Variants in TMEM63C observed in about 807,000 individuals in gnomAD.
The protein encoded by TMEM63C is transmembrane protein 63C, also known as osmosensitive cation channel TMEM63C.
TMEM63C carries 32 observed loss-of-function variants against 99.2 expected under a neutral mutation model. The ratio of observed to expected loss-of-function variants is 0.32; its 90% CI spans 0.24 to 0.43. The LOEUF (loss-of-function observed/expected upper bound fraction) is 0.43, where lower values mean the gene tolerates loss of function less well. Ranked by LOEUF, TMEM63C falls within the 20% of genes least tolerant of loss-of-function variation. The pLI, the probability that TMEM63C is intolerant of heterozygous loss-of-function variation, is 1.00. For synonymous variants in TMEM63C, 376 were observed against 397.9 expected, an observed-to-expected ratio of 0.94 and a Z score of 0.66; for missense variants, 826 against 1,053.0, an observed-to-expected ratio of 0.78 and a Z score of 2.98.
At chr14:77,224,550 G>A (rs553603568) in intron 5 of TMEM63C, among the ~76,000 whole-genome samples, 1 of 152,258 alleles carries the variant, frequency 6.6e-6, no homozygotes, top group South Asian at 2.1e-4. Flanking sequence ...GCAGCTTTTA[G>A]AGCTGCAGGC....
intron 1 of TMEM63C, among the ~76,000 whole-genome samples, chr14:77,196,490 G>T (rs1407980390): frequency 6.6e-6 from 1 of 152,214 alleles, no homozygotes; most frequent in African/African-American, 2.4e-5. Flanking sequence ...AAGATGCTCT[G>T]GTTTTGGTTA....
intron 9 of TMEM63C, 104 bp from the exon 10 acceptor site, chr14:77,238,590 C>A: frequency 1.1e-6 from 1 of 888,688 alleles, no homozygotes; most frequent in Non-Finnish European, 1.8e-6. Context: ...CATCAGCAGC[C>A]TGCTGTGAGC....
At chr14:77,231,435 G>A (rs534324443) in intron 6 of TMEM63C, among the ~76,000 whole-genome samples, 153 bp from the exon 7 acceptor site, 2 of 151,170 alleles carry the variant, frequency 1.3e-5, no homozygotes, top group South Asian at 2.1e-4. Flanking sequence ...GGGCAATTTC[G>A]AAGTTGCCTT....
intron 18 of TMEM63C, among the ~76,000 whole-genome samples, chr14:77,247,660 AT>A (rs1364548547): frequency 6.6e-6 from 1 of 152,110 alleles, no homozygotes; most frequent in East Asian, 1.9e-4. Flanking sequence ...GCCAATTTCG[AT>A]TTTTTTGTTT....
Position 77,258,907 on chromosome 14 carries a change from C to T in TMEM63C, c.*2181C>T, listed in dbSNP as rs1006811130. ...CCTCTGAACCTGGGTCCAGTGTAGC[C>T]TGGCTCTGAGAGAAGGTGGTGAGCA... On this transcript the variant is annotated 3_prime_UTR_variant, in exon 24 of 24. Transcript: ENST00000298351. 5.9e-5 allele frequency: 9 copies of T among 152,336 alleles called. No individual in the cohort carries two copies. Among genetic ancestry groups the T allele is most frequent in the African/African-American group, 1.9e-4 (8 of 41,460 alleles). 9.4% of individuals were successfully genotyped at this position (152,336 alleles called of 1,614,324 possible). A position where few individuals can be genotyped will look rare whatever the true frequency, so the allele number is the denominator to read the frequency against.
intron 1 of TMEM63C, among the ~76,000 whole-genome samples, chr14:77,189,254 T>G (rs934661686): frequency 2.0e-5 from 3 of 149,578 alleles, no homozygotes; most frequent in African/African-American, 7.4e-5. Flanking sequence ...GGACTACAGA[T>G]GCACACCACC....
At chr14:77,213,286 A>G (rs1244108390) in intron 1 of TMEM63C, among the ~76,000 whole-genome samples, 160 bp from the exon 2 acceptor site, 2 of 152,206 alleles carry the variant, frequency 1.3e-5, no homozygotes, top group African/African-American at 4.8e-5. Context: ...AAGAAAAGCA[A>G]TAGGCCAGGG....
At chr14:77,226,927 C>G (rs550684964) in intron 6 of TMEM63C, among the ~76,000 whole-genome samples, 66 of 152,068 alleles carry the variant, frequency 4.3e-4, no homozygotes, top group Non-Finnish European at 8.4e-4. Context: ...GCCACCATGT[C>G]CAGCTAATTT....
At chr14:77,243,435 T>A (rs1411851945) in intron 15 of TMEM63C, among the ~76,000 whole-genome samples, 1 of 152,052 alleles carries the variant, frequency 6.6e-6, no homozygotes, top group South Asian at 2.1e-4. Flanking sequence ...TCTCTGCAAG[T>A]TGTCCGAGGC....
At chr14:77,206,347 T>C (rs1242754366) in intron 1 of TMEM63C, among the ~76,000 whole-genome samples, 1 of 152,186 alleles carries the variant, frequency 6.6e-6, no homozygotes, top group Non-Finnish European at 1.5e-5. Context: ...GACTTGATGC[T>C]GTAGTCAGCA....
At chr14:77,194,924 T>A (rs1187028306) in intron 1 of TMEM63C, among the ~76,000 whole-genome samples, 1 of 151,974 alleles carries the variant, frequency 6.6e-6, no homozygotes, top group African/African-American at 2.4e-5. Flanking sequence ...TGGTTTGATT[T>A]TTTTCCCCCT....
intron 1 of TMEM63C, chr14:77,196,357 GC>G (rs2140094080): frequency 6.6e-6 from 1 of 152,510 alleles, no homozygotes; most frequent in Admixed American, 6.5e-5. Flanking sequence ...CAGCACTTGG[GC>G]AAAGACCCTC....
At chr14:77,185,146 A>C (rs755771697) in intron 1 of TMEM63C, among the ~76,000 whole-genome samples, 1 of 152,126 alleles carries the variant, frequency 6.6e-6, no homozygotes, top group African/African-American at 2.4e-5. Context: ...ACTAGGACCC[A>C]AGTGTCCTGG....
chr14:77,242,825 G>GTA, intron 14 of TMEM63C, 78 bp from the exon 15 acceptor site: 19 of 1,557,136 alleles, frequency 1.2e-5, no homozygotes, highest in Non-Finnish European at 1.6e-5. Flanking sequence ...TGGGTCCACA[G>GTA]CTGGCCTGCA....
chr14:77,232,430 GGCACCCGCCTCC>G (rs1304979107), intron 7 of TMEM63C, among the ~76,000 whole-genome samples: 1 of 152,052 alleles, frequency 6.6e-6, no homozygotes, highest in Non-Finnish European at 1.5e-5. Flanking sequence ...TGGGATTACA[GGCACCCGCCTCC>G]ACACCCGGCT....
chr14:77,219,857 G>T, intron 4 of TMEM63C, 149 bp from the exon 5 acceptor site: 1 of 719,000 alleles, frequency 1.4e-6, no homozygotes, highest in Non-Finnish European at 2.3e-6. Context: ...TCTGTGCCCA[G>T]AGCTGTGTGC....
intron 2 of TMEM63C, among the ~76,000 whole-genome samples, chr14:77,217,049 G>T (rs1397594376): frequency 6.6e-6 from 1 of 152,058 alleles, no homozygotes; most frequent in South Asian, 2.1e-4. Context: ...TGCACCTGTA[G>T]TCCCAGCTAC....
intron 5 of TMEM63C, among the ~76,000 whole-genome samples, chr14:77,224,544 CT>C (rs1036406490): frequency 1.3e-5 from 2 of 152,130 alleles, no homozygotes; most frequent in Non-Finnish European, 2.9e-5. Context: ...GAGCTGGCAG[CT>C]TTTAGAGCTG....
At chr14:77,211,170 C>T (rs1340047380) in intron 1 of TMEM63C, among the ~76,000 whole-genome samples, 1 of 152,170 alleles carries the variant, frequency 6.6e-6, no homozygotes, top group Non-Finnish European at 1.5e-5. Flanking sequence ...GCAAGGTCAT[C>T]CCCTTCCTCT....
Sources: allele counts gnomAD v4.1 joint callset (sites outside exome capture counted in the v4.1 genomes callset), GRCh38; gene constraint gnomAD v4.1.1; transcripts MANE v1.5; gene names NCBI Gene and HGNC (gene_info 2026-07-23, HGNC 2026-07-21).